UGCG: variants seen among roughly 807,000 people sequenced by gnomAD.
UGCG encodes UDP-glucose ceramide glucosyltransferase, also known as ceramide glucosyltransferase.
Under a neutral mutation model 49.5 loss-of-function variants are expected in UGCG, and 10 were observed. That is an observed-to-expected ratio of 0.20 (90% CI 0.12 to 0.34). UGCG has a LOEUF of 0.34. Ranked by LOEUF, UGCG falls within the 10% of genes least tolerant of loss-of-function variation. The pLI is 1.00. For synonymous variants in UGCG, 182 were observed against 158.2 expected (o/e 1.15, Z -1.13); for missense variants, 312 against 483.7 (o/e 0.65, Z 3.33).
At chr9:111,912,372 G>A (rs978590550) in intron 1 of UGCG, among the ~76,000 whole-genome samples, 2 of 151,962 alleles carry the variant, frequency 1.3e-5, no homozygotes, top group East Asian at 3.9e-4. Flanking sequence ...AAGATGAAGA[G>A]TTCGAGACCA....
At chr9:111,928,767 A>G (rs1838369797) in intron 5 of UGCG, among the ~76,000 whole-genome samples, 1 of 152,224 alleles carries the variant, frequency 6.6e-6, no homozygotes, top group Admixed American at 6.5e-5. Context: ...AAAAGGCAAC[A>G]TATCTGAGGT....
intron 3 of UGCG, among the ~76,000 whole-genome samples, chr9:111,923,318 T>A: frequency 6.6e-6 from 1 of 151,946 alleles, no homozygotes; most frequent in Non-Finnish European, 1.5e-5. Context: ...TCCAAAAGCC[T>A]ACAGGCTTAT....
At chr9:111,901,588 A>G (rs1235111279) in intron 1 of UGCG, among the ~76,000 whole-genome samples, 1 of 152,176 alleles carries the variant, frequency 6.6e-6, no homozygotes, top group Non-Finnish European at 1.5e-5. Flanking sequence ...TACTGGGCTT[A>G]ATACCTCGGT....
At chr9:111,908,691 C>T (rs1211862784) in intron 1 of UGCG, among the ~76,000 whole-genome samples, 2 of 152,174 alleles carry the variant, frequency 1.3e-5, no homozygotes, top group African/African-American at 4.8e-5. Flanking sequence ...AAGTCGTCTG[C>T]CCTAGGCTGA....
chr9:111,914,495 G>A (rs781550972), intron 1 of UGCG, 110 bp from the exon 2 acceptor site: 127 of 1,155,380 alleles, frequency 1.1e-4, no homozygotes, highest in Non-Finnish European at 1.4e-4. Context: ...AAGATGTCAA[G>A]TTTTAAAAAT....
At chr9:111,911,903 AG>A (rs1564199837) in intron 1 of UGCG, among the ~76,000 whole-genome samples, 2 of 24,794 alleles carry the variant, frequency 8.1e-5, no homozygotes, top group Non-Finnish European at 1.5e-4. Flanking sequence ...TATATTCAAC[AG>A]GATATATATA....
At chr9:111,900,941 G>A (rs918162750) in intron 1 of UGCG, among the ~76,000 whole-genome samples, 1 of 151,738 alleles carries the variant, frequency 6.6e-6, no homozygotes, top group African/African-American at 2.4e-5. Context: ...CACATCCCAG[G>A]CTCGAGCAAT....
In UGCG at chr9:111,897,080, C is replaced by A. The variant is rs1040820383; in HGVS notation, c.-136C>A. 57 of 571,370 alleles carry A rather than the reference C, an allele frequency of 1.0e-4. No individual in the cohort carries two copies. In the African/African-American group the frequency reaches 1.0e-3, roughly 10 times the overall value. The allele number at this position is 571,370 out of a possible 1,614,324, so 35.4% of individuals were successfully genotyped here. A position where few individuals can be genotyped will look rare whatever the true frequency, so the allele number is the denominator to read the frequency against. On this transcript the variant is annotated 5_prime_UTR_variant, in exon 1 of 9. Coordinates refer to ENST00000374279, the MANE Select transcript of UGCG (RefSeq NM_003358.3). ...TGCCCGCCCCTTCCGTCCCCACCCC[C>A]CTCCGCCCTTTCCTCTCCCCACCTT...
At chr9:111,912,052 A>ATC (rs1554733562) in intron 1 of UGCG, among the ~76,000 whole-genome samples, 2 of 142,854 alleles carry the variant, frequency 1.4e-5, no homozygotes, top group African/African-American at 5.2e-5. Flanking sequence ...ATATATATAT[A>ATC]TCCTGTTGAA....
At chr9:111,923,844 T>A (rs981664211) in intron 3 of UGCG, among the ~76,000 whole-genome samples, 3 of 152,194 alleles carry the variant, frequency 2.0e-5, no homozygotes, top group Admixed American at 1.3e-4. Flanking sequence ...CACGTCAGGC[T>A]GGTCTCGAAC....
chr9:111,931,872 C>T (rs1004488952), intron 7 of UGCG, among the ~76,000 whole-genome samples: 4 of 151,722 alleles, frequency 2.6e-5, no homozygotes, highest in Non-Finnish European at 4.4e-5. Flanking sequence ...ACAAAAAATG[C>T]AAAAATTAGC....
At chr9:111,916,366 G>A (rs1240798647) in intron 2 of UGCG, among the ~76,000 whole-genome samples, 3 of 152,152 alleles carry the variant, frequency 2.0e-5, no homozygotes, top group African/African-American at 7.2e-5. Flanking sequence ...TCTTAAAATT[G>A]GTCATGGAAT....
intron 5 of UGCG, among the ~76,000 whole-genome samples, chr9:111,928,181 G>A (rs1032670817): frequency 6.6e-6 from 1 of 152,164 alleles, no homozygotes; most frequent in Non-Finnish European, 1.5e-5. Context: ...CTTGCATCTG[G>A]CCTTTGGCAG....
chr9:111,931,411 G>C, intron 7 of UGCG, 54 bp downstream of exon 7: 1 of 1,560,280 alleles, frequency 6.4e-7, no homozygotes, highest in South Asian at 1.1e-5. Context: ...GGGGAGGGGG[G>C]TGGTAATTTT....
intron 2 of UGCG, among the ~76,000 whole-genome samples, chr9:111,916,057 A>G (rs1329806367): frequency 6.6e-6 from 1 of 152,156 alleles, no homozygotes; most frequent in South Asian, 2.1e-4. Context: ...TAAATAAGAT[A>G]TAATTGTATA....
intron 1 of UGCG, among the ~76,000 whole-genome samples, chr9:111,904,292 ACTAATACT>A (rs1389645944): frequency 6.6e-6 from 1 of 152,224 alleles, no homozygotes; most frequent in African/African-American, 2.4e-5. Context: ...AGCCATGTGG[ACTAATACT>A]ACTACACATT....
rs1564195326 is a variant in UGCG, at chr9:111,897,014, A to T, written c.-202A>T. 3.4e-6 allele frequency: 1 copy of T among 291,394 alleles called. No homozygotes were observed. The highest frequency in any genetic ancestry group is 5.7e-5 in the East Asian group (1 of 17,672). The allele number at this position is 291,394 out of a possible 1,614,324, so 18.1% of individuals were successfully genotyped here. A position where few individuals can be genotyped will look rare whatever the true frequency, so the allele number is the denominator to read the frequency against. On this transcript the variant is annotated 5_prime_UTR_variant, in exon 1 of 9. Transcript: ENST00000374279. ...AGCCGCCCGCGAGCGCGCCGAAGACAGCGCGCAGGCGAGAGCGCGCGGGCG... is the reference window on the plus strand; with the variant it reads ...AGCCGCCCGCGAGCGCGCCGAAGACTGCGCGCAGGCGAGAGCGCGCGGGCG...
chr9:111,917,270 TG>T (rs1419499487), intron 2 of UGCG, among the ~76,000 whole-genome samples: 1 of 152,238 alleles, frequency 6.6e-6, no homozygotes, highest in Admixed American at 6.5e-5. Flanking sequence ...GCAAAGTACC[TG>T]CAATCTAAGG....
In UGCG at chr9:111,924,837, C is replaced by A; in HGVS notation, c.404C>A (p.Ala135Glu). 1 of 1,539,214 alleles carries A rather than the reference C, an allele frequency of 6.5e-7. No homozygotes were observed. ...AATTTAATGCCAGGATATGAAGTTG[C>A]AAAGTATGATCTTATATGGATTTGT... ...INNLMPGYEV[A>E]KYDLIWICDS... Residue 135 changes from alanine to glutamate, a missense_variant, in exon 4 of 9, where the codon GCA becomes GAA. Physicochemically the swap from Ala to Glu is moderately radical, Grantham distance 107. This residue lies in a region of UGCG where 64 missense variants were observed against 67.6 expected (regional missense o/e 0.95). Transcript: ENST00000374279.
Sources: allele counts gnomAD v4.1 joint callset (sites outside exome capture counted in the v4.1 genomes callset), GRCh38; gene constraint gnomAD v4.1.1; regional missense constraint gnomAD v4.1.1; transcripts MANE v1.5; gene names NCBI Gene and HGNC (gene_info 2026-07-23, HGNC 2026-07-21).